The following ELMOD1 variants were observed in gnomAD, a reference collection of about 807,000 sequenced individuals.
The protein encoded by ELMOD1 is ELMO domain-containing protein 1.
Under a neutral mutation model 46.7 loss-of-function variants are expected in ELMOD1, and 21 were observed. The ratio of observed to expected loss-of-function variants is 0.45; its 90% CI spans 0.32 to 0.65. ELMOD1 has a LOEUF of 0.65. Among genes scored for constraint, ELMOD1 ranks in the 30% least tolerant of loss-of-function variants. The pLI is 0.04. For missense variants in ELMOD1, 348 were observed against 407.8 expected (o/e 0.85, Z 1.26); for synonymous variants, 122 against 138.2 (o/e 0.88, Z 0.82).
chr11:107,604,495 G>T (rs1198948203), intron 1 of ELMOD1, among the ~76,000 whole-genome samples: 1 of 152,162 alleles, frequency 6.6e-6, no homozygotes, highest in Non-Finnish European at 1.5e-5. Context: ...CCGGAATTTG[G>T]AAGTAAGTAG....
intron 1 of ELMOD1, among the ~76,000 whole-genome samples, chr11:107,601,882 A>G (rs1443648331): frequency 1.3e-5 from 2 of 152,114 alleles, no homozygotes; most frequent in African/African-American, 4.8e-5. Context: ...GCTCTAATGC[A>G]CTCTGAACTG....
intron 1 of ELMOD1, among the ~76,000 whole-genome samples, chr11:107,598,553 C>G (rs1236732028): frequency 6.6e-6 from 1 of 152,196 alleles, no homozygotes; most frequent in African/African-American, 2.4e-5. Flanking sequence ...CACAGGGGCT[C>G]TCTTACATGA....
intron 6 of ELMOD1, chr11:107,643,389 T>G: frequency 4.8e-6 from 1 of 207,722 alleles, no homozygotes; most frequent in Non-Finnish European, 9.6e-6. Flanking sequence ...AAAAAAAGCA[T>G]GTGAAAATAT....
intron 6 of ELMOD1, among the ~76,000 whole-genome samples, chr11:107,638,427 A>G (rs1866265918): frequency 6.6e-6 from 1 of 152,160 alleles, no homozygotes; most frequent in Admixed American, 6.6e-5. Context: ...CAGATGAGGA[A>G]ACTGAAGCTG....
At chr11:107,662,556 G>A (rs373632403) in intron 11 of ELMOD1, among the ~76,000 whole-genome samples, 3 of 150,608 alleles carry the variant, frequency 2.0e-5, no homozygotes, top group African/African-American at 7.4e-5. Flanking sequence ...GTTGTGGTGA[G>A]CCAAGATCGT....
rs533710116 is a variant in ELMOD1, at chr11:107,650,223, C to T, written c.555-112C>T. ...TGGAGGAGCTGAAACAAGTGATAAC[C>T]TTATGCCAGTATCCATCTCTGGATT... On this transcript the variant is annotated intron_variant, in intron 7 of 11. Coordinates refer to ENST00000265840, the MANE Select transcript of ELMOD1 (RefSeq NM_018712.4). The T allele has an allele frequency of 1.7e-4, 127 of 726,260 alleles. No homozygotes were observed. In the African/African-American group the frequency reaches 2.0e-3, roughly 11 times the overall value. 45.0% of individuals were successfully genotyped at this position (726,260 alleles called of 1,614,324 possible). A position where few individuals can be genotyped will look rare whatever the true frequency, so the allele number is the denominator to read the frequency against.
intron 6 of ELMOD1, among the ~76,000 whole-genome samples, chr11:107,644,834 G>A (rs1472357701): frequency 2.6e-5 from 4 of 152,080 alleles, no homozygotes; most frequent in Non-Finnish European, 5.9e-5. Context: ...TTATTCAAAT[G>A]AATGTGACGA....
At position 107,649,965 on chromosome 11, in the gene ELMOD1, A is replaced by G. The variant is rs140084918; in HGVS notation, c.555-370A>G. Among the ~76,000 whole-genome samples the G allele has an allele frequency of 1.3e-3, 201 of 152,200 alleles. 1 individual carries two copies. Among genetic ancestry groups the G allele is most frequent in the African/African-American group, 4.6e-3 (191 of 41,522 alleles). ...CCTCCAGTCTTTTCTTTCTTTCATC[A>G]TGTCCCTCACCGAGGCTTCTGCCTT... is the stretch of plus-strand genomic sequence containing the variant. On this transcript the variant is annotated intron_variant, in intron 7 of 11. Coordinates refer to ENST00000265840, the MANE Select transcript of ELMOD1 (RefSeq NM_018712.4).
chr11:107,630,364 T>C, intron 2 of ELMOD1, 53 bp from the exon 3 acceptor site: 1 of 1,500,584 alleles, frequency 6.7e-7, no homozygotes, highest in Non-Finnish European at 8.9e-7. Flanking sequence ...GTGGCTGCTT[T>C]CTCTTCTCTT....
chr11:107,611,165 TA>T (rs1865774486), intron 1 of ELMOD1, among the ~76,000 whole-genome samples: 1 of 151,994 alleles, frequency 6.6e-6, no homozygotes, highest in South Asian at 2.1e-4. Context: ...ATCAACAGAG[TA>T]AACAGACAAC....
intron 6 of ELMOD1, among the ~76,000 whole-genome samples, chr11:107,646,458 G>A (rs1233232192): frequency 1.3e-5 from 2 of 152,104 alleles, no homozygotes; most frequent in East Asian, 3.9e-4. Context: ...AACTTGGCCG[G>A]GTGTGGTGGC....
chr11:107,635,529 T>C, intron 5 of ELMOD1, 107 bp from the exon 6 acceptor site: 1 of 1,109,612 alleles, frequency 9.0e-7, no homozygotes, highest in Non-Finnish European at 1.3e-6. Flanking sequence ...ATTTCCTGAA[T>C]ATTATATTAA....
chr11:107,664,237 A>G (rs763571734), intron 11 of ELMOD1, among the ~76,000 whole-genome samples: 29 of 143,250 alleles, frequency 2.0e-4, no homozygotes, highest in Non-Finnish European at 3.8e-4. Flanking sequence ...TTTACTACCT[A>G]CAAGTATCTA....
chr11:107,662,226 C>T (rs1470944772), intron 11 of ELMOD1, among the ~76,000 whole-genome samples: 10 of 152,202 alleles, frequency 6.6e-5, no homozygotes, highest in Admixed American at 5.9e-4. Context: ...TCACTGAAGC[C>T]TCAAACTCCT....
chr11:107,595,368 A>T (rs1865475643), intron 1 of ELMOD1, among the ~76,000 whole-genome samples: 1 of 152,162 alleles, frequency 6.6e-6, no homozygotes, highest in Non-Finnish European at 1.5e-5. Flanking sequence ...AGGTTTTTCT[A>T]CTGTTCCTGT....
At chr11:107,656,932 A>G (rs1866644911) in intron 11 of ELMOD1, among the ~76,000 whole-genome samples, 1 of 152,234 alleles carries the variant, frequency 6.6e-6, no homozygotes, top group African/African-American at 2.4e-5. Flanking sequence ...AAATTAACGG[A>G]TCACTCTGTG....
At chr11:107,635,484 A>C (rs1237282693) in intron 5 of ELMOD1, among the ~76,000 whole-genome samples, 152 bp from the exon 6 acceptor site, 1 of 152,162 alleles carries the variant, frequency 6.6e-6, no homozygotes, top group African/African-American at 2.4e-5. Context: ...ATTTAATAAG[A>C]ATTGTGCTTC....
intron 11 of ELMOD1, among the ~76,000 whole-genome samples, chr11:107,663,835 T>C (rs986964590): frequency 6.6e-6 from 1 of 152,222 alleles, no homozygotes; most frequent in African/African-American, 2.4e-5. Context: ...AATTCTCTTC[T>C]CATCCTCCCC....
intron 6 of ELMOD1, among the ~76,000 whole-genome samples, chr11:107,642,034 T>TCC (rs1866332900): frequency 7.1e-6 from 1 of 141,560 alleles, no homozygotes; most frequent in African/African-American, 2.6e-5. Flanking sequence ...AACCTCTGCC[T>TCC]CCCGGGTTCA....
Sources: gnomAD v4.1 joint callset for allele counts (sites outside exome capture counted in the v4.1 genomes callset) on GRCh38, gnomAD v4.1.1 for gene constraint, MANE v1.5 for transcripts, NCBI Gene and HGNC (gene_info 2026-07-23, HGNC 2026-07-21) for gene names.